Variants in VOPP1 observed in about 807,000 individuals in gnomAD.
The protein encoded by VOPP1 is VOPP1 WW domain binding protein, also known as WW domain binding protein VOPP1.
A neutral mutation model predicts 23.5 loss-of-function variants in VOPP1; 8 were observed. The observed-to-expected ratio is 0.34, with a 90% CI of 0.20 to 0.61. The LOEUF (loss-of-function observed/expected upper bound fraction) is 0.61, where lower values mean the gene tolerates loss of function less well. Ranked by LOEUF, VOPP1 falls within the 20% of genes least tolerant of loss-of-function variation. The pLI, the probability that VOPP1 is intolerant of heterozygous loss-of-function variation, is 0.78. For synonymous variants in VOPP1, 83 were observed against 97.3 expected (o/e 0.85, Z 0.86); for missense variants, 174 against 238.1 (o/e 0.73, Z 1.77).
chr7:55,490,843 A>G (rs1402718845), intron 4 of VOPP1, among the ~76,000 whole-genome samples: 28 of 152,342 alleles, frequency 1.8e-4, no homozygotes. Flanking sequence ...TGGAAAATAT[A>G]TATTTTTCTG....
chr7:55,565,179 G>A (rs1383795828), intron 1 of VOPP1, among the ~76,000 whole-genome samples: 16 of 152,072 alleles, frequency 1.1e-4, no homozygotes, highest in Non-Finnish European at 2.1e-4. Context: ...GCCAATTATC[G>A]AATCCGATGG....
At chr7:55,555,030 T>C (rs1444012559) in intron 1 of VOPP1, among the ~76,000 whole-genome samples, 1 of 152,194 alleles carries the variant, frequency 6.6e-6, no homozygotes, top group Non-Finnish European at 1.5e-5. Flanking sequence ...AGGTGCTGTT[T>C]ACAAATTAAA....
intron 4 of VOPP1, among the ~76,000 whole-genome samples, chr7:55,460,462 C>T (rs1038839874): frequency 1.3e-5 from 2 of 152,024 alleles, no homozygotes; most frequent in East Asian, 1.9e-4. Context: ...TTGATTCTTC[C>T]GTCTAGGTGA....
chr7:55,448,256 C>A (rs1791150044), intron 4 of VOPP1, among the ~76,000 whole-genome samples: 1 of 151,830 alleles, frequency 6.6e-6, no homozygotes. Context: ...GAAAAATTAG[C>A]AAGAATGCAA....
chr7:55,466,194 G>A (rs1368831318), downstream of VOPP1, among the ~76,000 whole-genome samples: 1 of 152,192 alleles, frequency 6.6e-6, no homozygotes. Context: ...AGAACTCTAA[G>A]AAATAAATTT....
At chr7:55,503,908 C>T (rs145487237) in intron 2 of VOPP1, among the ~76,000 whole-genome samples, 71 of 152,334 alleles carry the variant, frequency 4.7e-4, no homozygotes, top group African/African-American at 1.6e-3. Context: ...GTTACAGCAG[C>T]CTGAACTTAA....
chr7:55,509,453 CTT>C (rs1794933579), intron 2 of VOPP1, among the ~76,000 whole-genome samples: 1 of 152,136 alleles, frequency 6.6e-6, no homozygotes, highest in Non-Finnish European at 1.5e-5. Flanking sequence ...CCTGCAACCT[CTT>C]TTGTAATCCC....
intron 1 of VOPP1, among the ~76,000 whole-genome samples, chr7:55,563,185 G>A (rs1798046438): frequency 1.3e-5 from 2 of 151,894 alleles, no homozygotes; most frequent in South Asian, 2.1e-4. Flanking sequence ...AATTAATTTC[G>A]ATACAGATTT....
At chr7:55,538,881 A>C (rs560794503) in intron 1 of VOPP1, among the ~76,000 whole-genome samples, 1 of 151,964 alleles carries the variant, frequency 6.6e-6, no homozygotes, top group South Asian at 2.1e-4. Context: ...CCATCTGTGT[A>C]CTTTTAACCA....
rs1795576019 is a variant in VOPP1, at chr7:55,517,941, C to T, written c.113+3131G>A. Among the ~76,000 whole-genome samples, 3 of 152,166 alleles carry T rather than the reference C, an allele frequency of 2.0e-5. No homozygotes were observed. The South Asian group carries it at 6.2e-4, about 32-fold the overall frequency. On this transcript the variant is annotated intron_variant, in intron 2 of 4. Transcript: ENST00000285279. The stretch of plus-strand genomic sequence containing the variant: ...AGCCACCCCATGTGTGCTGGCTGGC[C>T]CCAAAAAAACAACTTTCTCCTTGGC...
Position 55,555,100 on chromosome 7 carries a change from A to G in VOPP1, c.54+17171T>C, listed in dbSNP as rs374257596. ...AAAATCCATCAGAAACTTAAGTTAC[A>G]TAGAGAAATATACTTTTTAAAAAGG... On this transcript the variant is annotated intron_variant, in intron 1 of 4. Transcript: ENST00000285279. Among the ~76,000 whole-genome samples, 83 of 152,366 alleles carry G rather than the reference A, an allele frequency of 5.4e-4. 1 individual carries two copies. In the South Asian group the frequency reaches 0.017, roughly 31 times the overall value.
chr7:55,474,895 C>G (rs1297729566), intron 4 of VOPP1, among the ~76,000 whole-genome samples: 1 of 152,138 alleles, frequency 6.6e-6, no homozygotes, highest in Non-Finnish European at 1.5e-5. Flanking sequence ...GCACCAGGAG[C>G]CAGGGCAGCA....
chr7:55,483,090 C>T (rs1180819054), intron 4 of VOPP1, among the ~76,000 whole-genome samples: 2 of 152,192 alleles, frequency 1.3e-5, no homozygotes, highest in African/African-American at 4.8e-5. Flanking sequence ...CAGGTGCTCA[C>T]GCTATTCTTA....
At chr7:55,562,194 C>T in intron 1 of VOPP1, 1 of 650,548 alleles carries the variant, frequency 1.5e-6, no homozygotes, top group Non-Finnish European at 2.8e-6. Flanking sequence ...CTCCTCCATA[C>T]TGCTAAAGGA....
chr7:55,499,852 G>A (rs1794244589), intron 2 of VOPP1, among the ~76,000 whole-genome samples: 2 of 152,152 alleles, frequency 1.3e-5, no homozygotes, highest in Admixed American at 1.3e-4. Flanking sequence ...GGCTGTTTCT[G>A]CAGGCCAGCG....
At chr7:55,443,645 T>C (rs13229541) in intron 4 of VOPP1, among the ~76,000 whole-genome samples, 4 of 37,340 alleles carry the variant, frequency 1.1e-4, no homozygotes, top group Non-Finnish European at 1.4e-4. Context: ...TTATTGTCCC[T>C]TTTTTTTTTT....
At chr7:55,521,213 G>A (rs1795828033) in intron 1 of VOPP1, 83 bp from the exon 2 acceptor site, 1 of 1,389,990 alleles carries the variant, frequency 7.2e-7, no homozygotes, top group African/African-American at 1.4e-5. Flanking sequence ...CAGAAAGAAG[G>A]ATGAGAAGAC....
At chr7:55,543,765 T>C (rs1424179160) in intron 1 of VOPP1, among the ~76,000 whole-genome samples, 2 of 152,236 alleles carry the variant, frequency 1.3e-5, no homozygotes, top group African/African-American at 2.4e-5. Context: ...TTATTTGGTT[T>C]TTGGCTACTG....
intron 1 of VOPP1, among the ~76,000 whole-genome samples, chr7:55,543,108 G>C (rs1011807665): frequency 2.6e-5 from 4 of 152,008 alleles, no homozygotes; most frequent in Admixed American, 6.6e-5. Flanking sequence ...GTAGAGACAG[G>C]GTTTCACCGT....
Sources: gnomAD v4.1 joint callset for allele counts (sites outside exome capture counted in the v4.1 genomes callset) on GRCh38, gnomAD v4.1.1 for gene constraint, MANE v1.5 for transcripts, NCBI Gene and HGNC (gene_info 2026-07-23, HGNC 2026-07-21) for gene names.